RNF213: variants seen among roughly 807,000 people sequenced by gnomAD.
The protein encoded by RNF213 is E3 ubiquitin-protein ligase RNF213.
A neutral mutation model predicts 514.4 loss-of-function variants in RNF213; 341 were observed. The observed-to-expected ratio is 0.66, with a 90% CI of 0.61 to 0.73. The LOEUF (loss-of-function observed/expected upper bound fraction) is 0.73. Ranked by LOEUF, RNF213 falls within the 30% of genes least tolerant of loss-of-function variation. The probability of loss-of-function intolerance (pLI) is 0.00; values close to 1 mark genes in which losing one functional copy is unlikely to be tolerated. For synonymous variants in RNF213, 2,655 were observed against 2,658.2 expected, an observed-to-expected ratio of 1.00 and a Z score of 0.04; for missense variants, 5,767 against 6,615.6, an observed-to-expected ratio of 0.87 and a Z score of 4.45.
rs1414629817 is a variant in RNF213, at chr17:80,346,007, T to G, written c.7672T>G (p.Ser2558Ala). 3 of 1,614,000 alleles carry G rather than the reference T, an allele frequency of 1.9e-6. No homozygotes were observed. The African/African-American group carries it at 4.0e-5, about 22-fold the overall frequency. ...SMEETADRLGSIPLRQLVYRV... is the reference protein window; with the variant it reads ...SMEETADRLGAIPLRQLVYRV... ...GGAGGAGACGGCCGACAGGCTGGGCTCCATTCCTCTGAGGCAGCTGGTATA... is the reference window on the plus strand; with the variant it reads ...GGAGGAGACGGCCGACAGGCTGGGCGCCATTCCTCTGAGGCAGCTGGTATA... The change falls in exon 29 of 68, where the codon TCC becomes GCC. Residue 2558 changes from serine to alanine, a missense_variant. By Grantham distance (99) the Ser-to-Ala change is moderately conservative. Transcript: ENST00000582970. This position sits in a 1 kb window ranked among gnomAD's most constrained non-coding sequence, Gnocchi z 8.1.
In RNF213 at chr17:80,364,507, C is replaced by G; in HGVS notation, c.11825C>G (p.Pro3942Arg). The G allele has an allele frequency of 6.2e-7, 1 of 1,614,164 alleles. No homozygotes were observed. Among genetic ancestry groups the G allele is most frequent in the Non-Finnish European group, 8.5e-7 (1 of 1,180,030 alleles). Reference sequence around the variant, plus strand: ...CTCCTAGGAACCGAGAGCCGCGTCCCCGAGTTACAGGGGCTGGTGACCGAG... The same window carrying G: ...CTCCTAGGAACCGAGAGCCGCGTCCGCGAGTTACAGGGGCTGGTGACCGAG... ...HVLLGTESRV[P>R]ELQGLVTEHV... Residue 3942 changes from proline to arginine, a missense_variant, in exon 42 of 68, where the codon CCC becomes CGC. Transcript: ENST00000582970.
chr17:80,301,902 T>A (rs899671954), intron 11 of RNF213, among the ~76,000 whole-genome samples: 1 of 151,882 alleles, frequency 6.6e-6, no homozygotes, highest in East Asian at 1.9e-4. Flanking sequence ...CGCAGATGAG[T>A]GGATGAAGAA....
Position 80,380,881 on chromosome 17 carries a change from G to A in RNF213, c.13691G>A (p.Arg4564Gln), listed in dbSNP as rs371619739. ...GGCCACGTGCTGGGCAACCCGCAGC[G>A]GAGAGACGTGGTGACATGTGACCGA... is the stretch of plus-strand genomic sequence containing the variant. ...QTGHVLGNPQ[R>Q]RDVVTCDRGL... The change falls in exon 56 of 68, where the codon CGG becomes CAG. Residue 4564 changes from arginine to glutamine, a missense_variant. Transcript: ENST00000582970. 230 of 1,614,062 alleles carry A rather than the reference G, an allele frequency of 1.4e-4. No individual in the cohort carries two copies. Among genetic ancestry groups the A allele is most frequent in the Admixed American group, 3.0e-4 (18 of 60,006 alleles).
In RNF213 at chr17:80,347,692, C is replaced by T; in HGVS notation, c.9357C>T (p.Tyr3119=). 2 of 1,614,032 alleles carry T rather than the reference C, an allele frequency of 1.2e-6. No individual in the cohort carries two copies. Among genetic ancestry groups the T allele is most frequent in the Non-Finnish European group, 1.7e-6 (2 of 1,179,912 alleles). Residue 3119 remains tyrosine, a synonymous_variant, in exon 29 of 68, where the codon TAC becomes TAT. Transcript: ENST00000582970. The surrounding 1 kb of genome is among the most constrained non-coding windows in gnomAD (Gnocchi z 7.2). The part of the protein sequence containing the change: ...YESLYDALNQ[Y]YVHLGGQKYV... ...GCCTCTACGACGCACTCAACCAGTA[C>T]TACGTCCACCTCGGCGGCCAGAAGT...
chr17:80,383,130 G>C (rs1599198959), intron 58 of RNF213, 60 bp downstream of exon 58: 2 of 1,213,104 alleles, frequency 1.6e-6, no homozygotes, highest in East Asian at 4.8e-5. Flanking sequence ...GGGTCCCGGC[G>C]TCTGCTGAAT....
intron 29 of RNF213, among the ~76,000 whole-genome samples, chr17:80,348,691 C>T (rs893382438): frequency 3.3e-5 from 5 of 152,186 alleles, no homozygotes; most frequent in African/African-American, 7.2e-5. Flanking sequence ...CAGCGGGGAG[C>T]GGTGCAGACC....
chr17:80,379,931 G>A, intron 55 of RNF213: 2 of 586,420 alleles, frequency 3.4e-6, no homozygotes, highest in Admixed American at 2.4e-5. Context: ...TGCAAAGCAG[G>A]CTACCCTTTA....
intron 15 of RNF213, chr17:80,315,573 A>G (rs868523012): frequency 8.3e-4 from 1 of 1,208 alleles, no homozygotes; most frequent in African/African-American, 4.5e-3. Context: ...GGTGGAGGTA[A>G]TGGAGGTGAT....
At chr17:80,312,308 G>T (rs2045598011) in intron 14 of RNF213, among the ~76,000 whole-genome samples, 1 of 152,124 alleles carries the variant, frequency 6.6e-6, no homozygotes, top group Non-Finnish European at 1.5e-5. Flanking sequence ...GGGGAGAGAA[G>T]GGAGGCATTA....
Position 80,317,333 on chromosome 17 carries a change from C to A in RNF213, c.2901+56C>A. ...GGCGTGAAGGCAAGCTGGAGAACCC[C>A]AGACCATTAGCGACAGCCAAGAGAT... On this transcript the variant is annotated intron_variant, in intron 16 of 67. Transcript: ENST00000582970. The surrounding 1 kb of genome is among the most constrained non-coding windows in gnomAD (Gnocchi z 4.1). The A allele has an allele frequency of 6.6e-7, 1 of 1,521,020 alleles. No individual in the cohort carries two copies. Among genetic ancestry groups the A allele is most frequent in the South Asian group, 1.2e-5 (1 of 85,732 alleles). The allele number at this position is 1,521,020 out of a possible 1,614,324, so 94.2% of individuals were successfully genotyped here.
intron 15 of RNF213, among the ~76,000 whole-genome samples, chr17:80,314,337 G>GACGTGA (rs2045752943): frequency 4.3e-5 from 1 of 23,312 alleles, no homozygotes; most frequent in Non-Finnish European, 1.1e-4. Flanking sequence ...GATGGTGGTG[G>GACGTGA]TGGTGGTGGT....
intron 46 of RNF213, 73 bp from the exon 47 acceptor site, chr17:80,371,801 T>C (rs937092731): frequency 6.9e-5 from 54 of 783,200 alleles, no homozygotes; most frequent in East Asian, 2.6e-4. Flanking sequence ...GACCGATAGA[T>C]AGATGCTCTT....
In RNF213 at chr17:80,269,408, TATCCATCCATCCATCCATTC is replaced by T. The variant is rs1567990640; in HGVS notation, c.98-3829_98-3810del. ...CCACCTATCCATCTGTCCTATCATCTATCCATCCATCCATCCATTCATCTATTCTATCTATCCATCCATCT... is the reference window on the plus strand; with the variant it reads ...CCACCTATCCATCTGTCCTATCATCTATCTATTCTATCTATCCATCCATCT... On this transcript the variant is annotated intron_variant, in intron 2 of 67. Transcript: ENST00000582970. Among the ~76,000 whole-genome samples, 10 of 151,110 alleles carry T rather than the reference TATCCATCCATCCATCCATTC, an allele frequency of 6.6e-5. No homozygotes were observed. The East Asian group carries it at 7.8e-4, about 12-fold the overall frequency.
In RNF213 at chr17:80,371,930, C is replaced by T; in HGVS notation, c.12482C>T (p.Ala4161Val). ...TATTTGACCCTGTTAAAAAAGAAAGCATTCATAACTGAAGATAAAACTGAA... is the reference window on the plus strand; with the variant it reads ...TATTTGACCCTGTTAAAAAAGAAAGTATTCATAACTGAAGATAAAACTGAA... ...QEYLTLLKKKAFITEDKTELY... is the reference protein window; with the variant it reads ...QEYLTLLKKKVFITEDKTELY... The change falls in exon 47 of 68, where the codon GCA (alanine) becomes GTA (valine). Residue 4161 changes from alanine (A) to valine (V), a missense_variant. Physicochemically the swap from Ala to Val is moderately conservative, Grantham distance 64 (BLOSUM62 0). This residue lies in a region of RNF213 where 1,245 missense variants were observed against 1,339.0 expected (regional missense o/e 0.93). Transcript: ENST00000582970. 1 of 1,598,334 alleles carries T rather than the reference C, an allele frequency of 6.3e-7. No individual in the cohort carries two copies. Among genetic ancestry groups the T allele is most frequent in the South Asian group, 1.1e-5 (1 of 90,790 alleles).
chr17:80,350,223 T>C (rs764703963), intron 30 of RNF213, 78 bp from the exon 31 acceptor site: 1 of 924,688 alleles, frequency 1.1e-6, no homozygotes, highest in Non-Finnish European at 1.8e-6. Context: ...CCTTTATGTT[T>C]CCCATCACTT....
chr17:80,264,262 A>G lies in RNF213; in HGVS notation c.97+484A>G, dbSNP rs2043530966. Among the ~76,000 whole-genome samples, 1 of 152,180 alleles carries G rather than the reference A, an allele frequency of 6.6e-6. No individual in the cohort carries two copies. The highest frequency in any genetic ancestry group is 2.1e-4 in the South Asian group (1 of 4,836). On this transcript the variant is annotated intron_variant, in intron 2 of 67. Coordinates refer to ENST00000582970, the MANE Select transcript of RNF213 (RefSeq NM_001256071.3). The surrounding 1 kb of genome is among the most constrained non-coding windows in gnomAD (Gnocchi z 5.0). ...GTTTCAGAGAATGCTGCAGGGAAGC[A>G]GAGTTTGAGGCTCTGCAGGGGTTGA...
intron 22 of RNF213, 26 bp from the exon 23 acceptor site, chr17:80,336,135 C>A: frequency 6.5e-7 from 1 of 1,527,684 alleles, no homozygotes; most frequent in Non-Finnish European, 8.8e-7. Context: ...TAGTCCCACG[C>A]TGAACTCCCC....
At chr17:80,306,791 G>T (rs1197798042) in intron 12 of RNF213, among the ~76,000 whole-genome samples, 1 of 151,100 alleles carries the variant, frequency 6.6e-6, no homozygotes, top group African/African-American at 2.4e-5. Flanking sequence ...GGCGGAGCTT[G>T]CAGTGAGCCG....
At position 80,292,800 on chromosome 17, in the gene RNF213, C is replaced by G. The variant is rs370878729; in HGVS notation, c.1471+973C>G. Among the ~76,000 whole-genome samples, 9 of 152,230 alleles carry G rather than the reference C, an allele frequency of 5.9e-5. 1 individual carries two copies. Among genetic ancestry groups the G allele is most frequent in the African/African-American group, 2.2e-4 (9 of 41,534 alleles). On this transcript the variant is annotated intron_variant, in intron 8 of 67. Coordinates refer to ENST00000582970, the MANE Select transcript of RNF213 (RefSeq NM_001256071.3). Reference sequence around the variant, plus strand: ...GGGTCCTGGGCTTCCCCTCGCTCCCCCTCCCTGCACAGTGACCCTGAAACT... The same window carrying G: ...GGGTCCTGGGCTTCCCCTCGCTCCCGCTCCCTGCACAGTGACCCTGAAACT...
Sources: allele counts gnomAD v4.1 joint callset (sites outside exome capture counted in the v4.1 genomes callset), GRCh38; gene constraint gnomAD v4.1.1; regional missense constraint gnomAD v4.1.1; non-coding constraint Gnocchi (gnomAD v3.1); transcripts MANE v1.5; gene names NCBI Gene and HGNC (gene_info 2026-07-23, HGNC 2026-07-21).